The following TEX11 variants were observed in gnomAD, a reference collection of about 807,000 sequenced individuals.
TEX11 encodes testis expressed 11, also known as testis-expressed protein 11.
Under a neutral mutation model 84.4 loss-of-function variants are expected in TEX11, and 7 were observed. That is an observed-to-expected ratio of 0.08 (90% CI 0.05 to 0.16). TEX11 has a LOEUF of 0.16. Ranked by LOEUF, TEX11 falls within the 10% of genes least tolerant of loss-of-function variation. The pLI, the probability that TEX11 is intolerant of heterozygous loss-of-function variation, is 1.00. For synonymous variants in TEX11, 264 were observed against 222.8 expected (o/e 1.18, Z -1.64); for missense variants, 551 against 660.5 (o/e 0.83, Z 1.82).
intron 16 of TEX11, among the ~76,000 whole-genome samples, chrX:70,663,049 G>T (rs1057027534): frequency 9.0e-6 from 1 of 111,209 alleles, no homozygotes; most frequent in African/African-American, 3.3e-5. Context: ...GACTTGCAAG[G>T]GTTCCTTTAG....
chrX:70,763,879 A>T (rs1338747010), intron 9 of TEX11, among the ~76,000 whole-genome samples: 2 of 112,128 alleles, frequency 1.8e-5, no homozygotes. Flanking sequence ...GACTTCATAC[A>T]ATAATAGCTG....
At chrX:70,744,603 T>C (rs1372840446) in intron 9 of TEX11, among the ~76,000 whole-genome samples, 1 of 110,363 alleles carries the variant, frequency 9.1e-6, no homozygotes, top group Non-Finnish European at 1.9e-5. Context: ...ATTTACTGCA[T>C]TAAATTATTA....
chrX:70,886,119 T>A (rs574643542), intron 2 of TEX11, among the ~76,000 whole-genome samples: 1 of 110,987 alleles, frequency 9.0e-6, no homozygotes, highest in South Asian at 3.8e-4. Flanking sequence ...GAAATCAGGG[T>A]CTTGAAGAGA....
intron 7 of TEX11, among the ~76,000 whole-genome samples, chrX:70,849,816 A>G (rs1252070523): frequency 8.9e-6 from 1 of 112,206 alleles, no homozygotes; most frequent in Non-Finnish European, 1.9e-5. Context: ...AACACTTTTA[A>G]CCAGCTATAT....
intron 3 of TEX11, among the ~76,000 whole-genome samples, chrX:70,873,936 C>T (rs2091642309): frequency 9.0e-6 from 1 of 111,002 alleles, no homozygotes; most frequent in African/African-American, 3.3e-5. Context: ...AAATTTGATC[C>T]CCAATGTTGG....
At chrX:70,541,898 A>G (rs1282355847) in intron 28 of TEX11, among the ~76,000 whole-genome samples, 2 of 112,531 alleles carry the variant, frequency 1.8e-5, no homozygotes, top group Non-Finnish European at 3.8e-5. Flanking sequence ...AAAATTATCT[A>G]GAATATGAAC....
At chrX:70,717,271 G>A (rs1300726328) in intron 13 of TEX11, among the ~76,000 whole-genome samples, 5 of 109,889 alleles carry the variant, frequency 4.6e-5, no homozygotes, top group African/African-American at 1.6e-4. Context: ...AGAAAACTAG[G>A]TCTGAACTAC....
At chrX:70,662,302 A>G (rs1266217747) in intron 16 of TEX11, among the ~76,000 whole-genome samples, 2 of 111,565 alleles carry the variant, frequency 1.8e-5, no homozygotes, top group African/African-American at 3.3e-5. Context: ...AAGCGAGAAG[A>G]GAAGTTTAGA....
chrX:70,629,717 G>A lies in TEX11; in HGVS notation c.1502C>T (p.Thr501Ile), dbSNP rs760892950. The change falls in exon 18 of 30, where the codon ACT (threonine) becomes ATT (isoleucine). Residue 501 changes from threonine (T) to isoleucine (I), a missense_variant. Transcript: ENST00000374333. ...TTCATCTGTTAATATATTCTCTAAA[G>A]TAATTATTGCCTGCAAAGCTGAAAA... ...NSERALQAII[T>I]LENILTDEES... 3.4e-6 allele frequency: 4 copies of A among 1,168,395 alleles called. No individual in the cohort carries two copies. The highest frequency in any genetic ancestry group is 3.9e-5 in the South Asian group (2 of 51,934).
intron 8 of TEX11, among the ~76,000 whole-genome samples, chrX:70,817,753 G>A (rs1337774425): frequency 1.0e-5 from 1 of 100,256 alleles, no homozygotes; most frequent in Admixed American, 1.1e-4. Context: ...AAAGGAAAGA[G>A]GAAAAAGGAA....
At chrX:70,557,878 G>A (rs2088309831) in intron 25 of TEX11, among the ~76,000 whole-genome samples, 1 of 112,364 alleles carries the variant, frequency 8.9e-6, no homozygotes, top group South Asian at 3.7e-4. Context: ...GCTGGGCGCA[G>A]TGGCTCATGC....
intron 11 of TEX11, among the ~76,000 whole-genome samples, chrX:70,731,967 A>G (rs368226477): frequency 8.9e-6 from 1 of 112,017 alleles, no homozygotes; most frequent in Non-Finnish European, 1.9e-5. Flanking sequence ...GATCAAGTGG[A>G]CTTCATCCCT....
At chrX:70,659,778 C>CA (rs1342142892) in intron 16 of TEX11, among the ~76,000 whole-genome samples, 3 of 112,080 alleles carry the variant, frequency 2.7e-5, no homozygotes, top group African/African-American at 9.7e-5. Flanking sequence ...AGTATTTATT[C>CA]ATAATAGCCA....
At chrX:70,591,890 A>C (rs2088936543) in intron 24 of TEX11, 67 bp from the exon 25 acceptor site, 3 of 706,237 alleles carry the variant, frequency 4.2e-6, no homozygotes, top group Non-Finnish European at 6.3e-6. Flanking sequence ...AATTAATATA[A>C]TCTCATATCA....
intron 9 of TEX11, among the ~76,000 whole-genome samples, chrX:70,750,449 T>G (rs1007460379): frequency 9.0e-6 from 1 of 111,576 alleles, no homozygotes; most frequent in Admixed American, 9.6e-5. Flanking sequence ...CTATAAATCA[T>G]GCTGCTATAA....
chrX:70,514,481 G>C, the TEX11 span, among the ~76,000 whole-genome samples: 1 of 109,532 alleles, frequency 9.1e-6, no homozygotes, highest in Non-Finnish European at 1.9e-5. Context: ...TGTAGTCCCA[G>C]CTACTTGGGA....
chrX:70,611,327 C>T (rs958505558), intron 20 of TEX11, among the ~76,000 whole-genome samples: 5 of 111,423 alleles, frequency 4.5e-5, no homozygotes, highest in Non-Finnish European at 9.4e-5. Flanking sequence ...GAGAGAAGGG[C>T]GAAGATAGGG....
the TEX11 span, among the ~76,000 whole-genome samples, chrX:70,515,681 T>C: frequency 1.7e-4 from 19 of 112,581 alleles, no homozygotes; most frequent in East Asian, 5.3e-3. Context: ...TTCTAGATCC[T>C]TGAGGAATCA....
chrX:70,587,878 T>A (rs1207513048), intron 25 of TEX11, among the ~76,000 whole-genome samples: 2 of 112,547 alleles, frequency 1.8e-5, no homozygotes, highest in African/African-American at 3.2e-5. Flanking sequence ...CCCAAGACGA[T>A]GGGAACCCAC....
Sources: gnomAD v4.1 joint callset for allele counts (sites outside exome capture counted in the v4.1 genomes callset) on GRCh38, gnomAD v4.1.1 for gene constraint, MANE v1.5 for transcripts, NCBI Gene and HGNC (gene_info 2026-07-23, HGNC 2026-07-21) for gene names.